The following CCDC85A variants were observed in gnomAD, a reference collection of about 807,000 sequenced individuals.
CCDC85A encodes coiled-coil domain-containing protein 85A.
CCDC85A carries 38 observed loss-of-function variants against 50.2 expected under a neutral mutation model. The ratio of observed to expected loss-of-function variants is 0.76; its 90% confidence interval spans 0.58 to 0.99. CCDC85A has a LOEUF of 0.99. Among genes scored for constraint, CCDC85A ranks in the 50% least tolerant of loss-of-function variants. The pLI is 0.00. For missense variants in CCDC85A, 820 were observed against 742.0 expected, an observed-to-expected ratio of 1.11 and a Z score of -1.22; for synonymous variants, 366 against 301.4, an observed-to-expected ratio of 1.21 and a Z score of -2.22.
intron 3 of CCDC85A, 69 bp from the exon 4 acceptor site, chr2:56,372,275 A>G: frequency 4.9e-6 from 7 of 1,416,450 alleles, no homozygotes; most frequent in Non-Finnish European, 6.5e-6. Context: ...TTCATGTTCT[A>G]TCTGCTTTCT....
At chr2:56,339,775 T>G (rs1302589775) in intron 2 of CCDC85A, among the ~76,000 whole-genome samples, 1 of 152,186 alleles carries the variant, frequency 6.6e-6, no homozygotes, top group African/African-American at 2.4e-5. Flanking sequence ...GAGCAGGGCT[T>G]GCAAAACAGT....
intron 2 of CCDC85A, among the ~76,000 whole-genome samples, chr2:56,204,271 C>T (rs918912065): frequency 2.0e-5 from 3 of 152,188 alleles, no homozygotes; most frequent in African/African-American, 4.8e-5. Flanking sequence ...AAAGACATAC[C>T]GATAACATTG....
At chr2:56,365,173 C>T (rs1675728210) in intron 3 of CCDC85A, among the ~76,000 whole-genome samples, 1 of 152,144 alleles carries the variant, frequency 6.6e-6, no homozygotes, top group African/African-American at 2.4e-5. Flanking sequence ...ATTTTTGGTT[C>T]TCTGAATTGA....
chr2:56,372,567 A>G, intron 4 of CCDC85A, 89 bp downstream of exon 4: 1 of 1,339,318 alleles, frequency 7.5e-7, no homozygotes, highest in Non-Finnish European at 9.8e-7. Context: ...TGGGGGGTAG[A>G]AAACAAGTTC....
At chr2:56,279,191 T>C (rs928701092) in intron 2 of CCDC85A, among the ~76,000 whole-genome samples, 5 of 152,328 alleles carry the variant, frequency 3.3e-5, no homozygotes, top group South Asian at 2.1e-4. Flanking sequence ...GCTAGTATTA[T>C]CTTCTCAAGG....
chr2:56,187,113 T>C (rs1025235746), intron 1 of CCDC85A, among the ~76,000 whole-genome samples: 1 of 152,186 alleles, frequency 6.6e-6, no homozygotes, highest in African/African-American at 2.4e-5. Flanking sequence ...TTGGACACCA[T>C]AGTAATCCAT....
chr2:56,220,514 G>A (rs1019111280), intron 2 of CCDC85A, among the ~76,000 whole-genome samples: 4 of 151,976 alleles, frequency 2.6e-5, no homozygotes, highest in South Asian at 2.1e-4. Context: ...TACTTTCAAC[G>A]AATGAGGGCA....
At chr2:56,348,009 CA>C (rs1443182755) in intron 3 of CCDC85A, among the ~76,000 whole-genome samples, 2 of 152,124 alleles carry the variant, frequency 1.3e-5, no homozygotes, top group African/African-American at 4.8e-5. Flanking sequence ...TTTAAGACAT[CA>C]GTTACTATTC....
chr2:56,330,625 C>T (rs1673739422), intron 2 of CCDC85A, among the ~76,000 whole-genome samples: 1 of 152,200 alleles, frequency 6.6e-6, no homozygotes, highest in African/African-American at 2.4e-5. Flanking sequence ...TATGGAGCCC[C>T]ACATATAGAG....
At chr2:56,372,316 G>T (rs1424433348) in intron 3 of CCDC85A, 28 bp from the exon 4 acceptor site, 2 of 1,504,194 alleles carry the variant, frequency 1.3e-6, no homozygotes, top group East Asian at 5.0e-5. Context: ...TTTTCTGAGT[G>T]ATTGTACCAT....
At chr2:56,307,147 A>G (rs1316655952) in intron 2 of CCDC85A, among the ~76,000 whole-genome samples, 2 of 152,166 alleles carry the variant, frequency 1.3e-5, no homozygotes, top group African/African-American at 2.4e-5. Context: ...ACAAGCCTTT[A>G]TATAGAAATT....
At chr2:56,204,594 G>C (rs1048806263) in intron 2 of CCDC85A, among the ~76,000 whole-genome samples, 11 of 152,208 alleles carry the variant, frequency 7.2e-5, no homozygotes. Flanking sequence ...CTACCTGTAT[G>C]TCTAATTGGC....
At chr2:56,356,493 A>G (rs6545573) in intron 3 of CCDC85A, among the ~76,000 whole-genome samples, 131,733 of 152,168 alleles carry the variant, frequency 0.87, 57,070 homozygotes, top group East Asian at 0.96. Flanking sequence ...TTTGGCTGTG[A>G]TAGGCTGAGC....
At chr2:56,274,572 G>C (rs1670844495) in intron 2 of CCDC85A, among the ~76,000 whole-genome samples, 1 of 152,182 alleles carries the variant, frequency 6.6e-6, no homozygotes, top group Non-Finnish European at 1.5e-5. Flanking sequence ...ACATTGTGGA[G>C]GGCAATCTGC....
rs1470994464 is a variant in CCDC85A, at chr2:56,193,030, C to G, written c.830C>G (p.Pro277Arg). 2 of 1,613,642 alleles carry G rather than the reference C, an allele frequency of 1.2e-6. No individual in the cohort carries two copies. Among genetic ancestry groups the G allele is most frequent in the Admixed American group, 3.3e-5 (2 of 60,000 alleles). Residue 277 changes from proline (P) to arginine (R), a missense_variant, in exon 2 of 6, where the codon CCT (proline) becomes CGT (arginine). By Grantham distance (103) the Pro-to-Arg change is moderately radical. Transcript: ENST00000407595. ...TPDRPKALKG[P>R]SPEHHKPLCK... ...GATCGCCCCAAAGCACTCAAAGGAC[C>G]TAGCCCGGAGCACCACAAACCCTTG...
At chr2:56,301,862 G>A (rs956100759) in intron 2 of CCDC85A, among the ~76,000 whole-genome samples, 3 of 152,138 alleles carry the variant, frequency 2.0e-5, no homozygotes, top group African/African-American at 7.2e-5. Context: ...TACGTGCAGG[G>A]CTTAAAACCT....
At chr2:56,273,164 A>G (rs1425536225) in intron 2 of CCDC85A, among the ~76,000 whole-genome samples, 1 of 152,190 alleles carries the variant, frequency 6.6e-6, no homozygotes, top group Non-Finnish European at 1.5e-5. Context: ...AAAAGCAAAG[A>G]TGTAGAAAAT....
At chr2:56,204,581 A>C (rs2103860123) in intron 2 of CCDC85A, among the ~76,000 whole-genome samples, 1 of 152,320 alleles carries the variant, frequency 6.6e-6, no homozygotes, top group Non-Finnish European at 1.5e-5. Flanking sequence ...AAAGGAGATT[A>C]ATCTACCTGT....
At chr2:56,263,072 G>A (rs147991445) in intron 2 of CCDC85A, among the ~76,000 whole-genome samples, 1 of 152,216 alleles carries the variant, frequency 6.6e-6, no homozygotes, top group East Asian at 1.9e-4. Context: ...ACTGCAAACA[G>A]CACAAAGCAA....
Sources: gnomAD v4.1 joint callset for allele counts (sites outside exome capture counted in the v4.1 genomes callset) on GRCh38, gnomAD v4.1.1 for gene constraint, MANE v1.5 for transcripts, NCBI Gene and HGNC (gene_info 2026-07-23, HGNC 2026-07-21) for gene names.